Variants in NRG1 observed in about 807,000 individuals in gnomAD.
NRG1 encodes neuregulin 1.
Under a neutral mutation model 63.8 loss-of-function variants are expected in NRG1, and 18 were observed. That is an observed-to-expected ratio of 0.28 (90% confidence interval 0.19 to 0.42). The LOEUF is 0.42. Ranked by LOEUF, NRG1 falls within the 10% of genes least tolerant of loss-of-function variation. The pLI, the probability that NRG1 is intolerant of heterozygous loss-of-function variation, is 1.00. For missense variants in NRG1, 762 were observed against 814.7 expected, an observed-to-expected ratio of 0.94 and a Z score of 0.79; for synonymous variants, 302 against 301.3, an observed-to-expected ratio of 1.00 and a Z score of -0.02.
intron 1 of NRG1, among the ~76,000 whole-genome samples, chr8:32,137,972 C>T (rs1253709103): frequency 1.3e-5 from 2 of 152,100 alleles, no homozygotes; most frequent in Non-Finnish European, 2.9e-5. Flanking sequence ...AAAATATATC[C>T]TGTGTCTGCT....
intron 1 of NRG1, among the ~76,000 whole-genome samples, chr8:32,236,976 A>G (rs149867543): frequency 7.9e-5 from 12 of 152,302 alleles, no homozygotes; most frequent in African/African-American, 2.6e-4. Context: ...CGCGAACCCA[A>G]CACTCAAGAT....
chr8:31,826,612 C>A (rs532383411), intron 1 of NRG1, among the ~76,000 whole-genome samples: 1 of 151,688 alleles, frequency 6.6e-6, no homozygotes, highest in African/African-American at 2.4e-5. Context: ...ATACACTTTA[C>A]TACCTATCCT....
intron 5 of NRG1, among the ~76,000 whole-genome samples, chr8:32,685,365 A>G (rs1400338901): frequency 6.6e-6 from 1 of 152,126 alleles, no homozygotes; most frequent in Non-Finnish European, 1.5e-5. Context: ...GTGATTGTCA[A>G]CTAGAATGAA....
rs531708904 is a variant in NRG1, at chr8:32,009,060, T to C, written c.37+369629T>C. Among the ~76,000 whole-genome samples, 3 of 152,210 alleles carry C rather than the reference T, an allele frequency of 2.0e-5. No individual in the cohort carries two copies. The East Asian group carries it at 5.8e-4, about 29-fold the overall frequency. ...ACTTCCAGGTCTAAATATGGTGACC[T>C]TAGTCACACTGGTTATTTTTAGGGA... On this transcript the variant is annotated intron_variant, in intron 1 of 10. Coordinates refer to the NRG1 transcript ENST00000519301.
At chr8:32,515,033 C>T (rs1244824368) in intron 1 of NRG1, among the ~76,000 whole-genome samples, 2 of 152,042 alleles carry the variant, frequency 1.3e-5, no homozygotes, top group African/African-American at 2.4e-5. Flanking sequence ...TTTATGGGCA[C>T]ATAGGTTGAG....
At position 32,119,157 on chromosome 8, in the gene NRG1, G is replaced by A. The variant is rs112684447; in HGVS notation, c.38-476671G>A. 1.1e-3 allele frequency among the ~76,000 whole-genome samples: 171 copies of A among 152,124 alleles called. 2 individuals carry two copies. Among genetic ancestry groups the A allele is most frequent in the African/African-American group, 3.7e-3 (154 of 41,520 alleles). ...CATAGAAGGTTCTATTATTTAATAG[G>A]TAGAAGGAAAGAATGAGTATTACAA... is the stretch of plus-strand genomic sequence containing the variant. On this transcript the variant is annotated intron_variant, in intron 1 of 10. Coordinates refer to the NRG1 transcript ENST00000519301.
At chr8:32,762,505 A>C (rs146856859) in intron 11 of NRG1, among the ~76,000 whole-genome samples, 24 of 152,286 alleles carry the variant, frequency 1.6e-4, no homozygotes, top group Middle Eastern at 3.4e-3. Context: ...CCCAAAGCCA[A>C]AAGTTTGAAG....
intron 1 of NRG1, among the ~76,000 whole-genome samples, chr8:32,524,935 T>A (rs890105175): frequency 1.3e-5 from 2 of 152,242 alleles, no homozygotes; most frequent in African/African-American, 4.8e-5. Context: ...ACGAAATCAC[T>A]GGTTTTCAAC....
intron 1 of NRG1, among the ~76,000 whole-genome samples, chr8:32,085,269 C>T (rs1828049540): frequency 6.6e-6 from 1 of 152,180 alleles, no homozygotes; most frequent in Admixed American, 6.5e-5. Flanking sequence ...GAGTATCTTT[C>T]ATAATCCTTG....
downstream of NRG1, among the ~76,000 whole-genome samples, chr8:32,769,685 T>C (rs1831659175): frequency 6.6e-6 from 1 of 152,170 alleles, no homozygotes; most frequent in African/African-American, 2.4e-5. Context: ...AAAGATTAAC[T>C]TGGCAGGAAA....
chr8:32,275,295 T>C (rs1462218332), intron 1 of NRG1, among the ~76,000 whole-genome samples: 1 of 151,888 alleles, frequency 6.6e-6, no homozygotes, highest in Admixed American at 6.6e-5. Context: ...GTCTGCGCAT[T>C]CAGCAGTGAG....
At chr8:31,989,039 G>A (rs182909723) in intron 1 of NRG1, among the ~76,000 whole-genome samples, 1 of 151,520 alleles carries the variant, frequency 6.6e-6, no homozygotes, top group African/African-American at 2.4e-5. Flanking sequence ...GCCTGATGTC[G>A]GGAGTTTCAG....
intron 1 of NRG1, among the ~76,000 whole-genome samples, chr8:31,666,581 G>A (rs1238640527): frequency 7.2e-5 from 11 of 152,186 alleles, no homozygotes; most frequent in African/African-American, 2.7e-4. Flanking sequence ...ATTCACTGAG[G>A]TGTTTTCATT....
At chr8:32,188,816 T>G in intron 1 of NRG1, among the ~76,000 whole-genome samples, 1 of 147,724 alleles carries the variant, frequency 6.8e-6, no homozygotes, top group South Asian at 2.2e-4. Context: ...TGTTGTGGGG[T>G]GGGGGGAGGA....
At chr8:31,988,692 T>C (rs1443612570) in intron 1 of NRG1, among the ~76,000 whole-genome samples, 1 of 152,048 alleles carries the variant, frequency 6.6e-6, no homozygotes, top group East Asian at 1.9e-4. Flanking sequence ...GAAGTTGATA[T>C]CGACTAGATA....
chr8:32,103,794 G>A (rs1006621587), intron 1 of NRG1, among the ~76,000 whole-genome samples: 1 of 152,094 alleles, frequency 6.6e-6, no homozygotes, highest in Non-Finnish European at 1.5e-5. Context: ...ATGCACCGAG[G>A]CTGCTGCAGA....
intron 1 of NRG1, among the ~76,000 whole-genome samples, chr8:31,775,623 C>T (rs10954814): frequency 0.21 from 32,173 of 152,040 alleles, 3,821 homozygotes; most frequent in Middle Eastern, 0.25. Context: ...TGCGGTGGCT[C>T]ACGCCTGTAA....
At chr8:32,369,521 C>T (rs138707669) in intron 1 of NRG1, among the ~76,000 whole-genome samples, 149 of 152,296 alleles carry the variant, frequency 9.8e-4, no homozygotes, top group African/African-American at 3.3e-3. Flanking sequence ...TCACAGCGAA[C>T]GTGGTGTGGA....
intron 1 of NRG1, among the ~76,000 whole-genome samples, chr8:32,471,222 T>C (rs1823805579): frequency 6.6e-6 from 1 of 152,270 alleles, no homozygotes; most frequent in Non-Finnish European, 1.5e-5. Context: ...TTATCTTTGC[T>C]TCTGTTCAGT....
Sources: gnomAD v4.1 joint callset for allele counts (sites outside exome capture counted in the v4.1 genomes callset) on GRCh38, gnomAD v4.1.1 for gene constraint, MANE v1.5 for transcripts, NCBI Gene and HGNC (gene_info 2026-07-23, HGNC 2026-07-21) for gene names.